The following CEP164 variants were observed in gnomAD, a reference collection of about 807,000 sequenced individuals.
CEP164 encodes centrosomal protein of 164 kDa.
CEP164 carries 162 observed loss-of-function variants against 182.7 expected under a neutral mutation model. The ratio of observed to expected loss-of-function variants is 0.89; its 90% CI spans 0.78 to 1.01. CEP164 has a LOEUF of 1.01. Among genes scored for constraint, CEP164 ranks in the 50% least tolerant of loss-of-function variants. CEP164 has a pLI of 0.00. For synonymous variants in CEP164, 661 were observed against 690.0 expected, an observed-to-expected ratio of 0.96 and a Z score of 0.66; for missense variants, 1,735 against 1,790.4, an observed-to-expected ratio of 0.97 and a Z score of 0.56.
At position 117,361,907 on chromosome 11, in the gene CEP164, A is replaced by G. The variant is rs2041025264; in HGVS notation, c.466A>G (p.Thr156Ala). The change falls in exon 6 of 33, where the codon ACC (threonine) becomes GCC (alanine). Residue 156 changes from threonine to alanine, a missense_variant. Transcript: ENST00000278935. ...GLAPLRGLVD[T>A]PPSALRGSQS... ...GGCTCCTTTACGAGGTCTTGTGGAT[A>G]CCCCACCCTCTGCTCTTCGTGGATC... 2 of 1,613,040 alleles carry G rather than the reference A, an allele frequency of 1.2e-6. No homozygotes were observed. Among genetic ancestry groups the G allele is most frequent in the South Asian group, 1.1e-5 (1 of 90,904 alleles).
rs757285380 is a variant in CEP164 at position 117,397,197 on chromosome 11, A to G, written c.3385A>G (p.Thr1129Ala). 4 of 1,614,250 alleles carry G rather than the reference A, an allele frequency of 2.5e-6. No individual in the cohort carries two copies. In the South Asian group the frequency reaches 3.3e-5, roughly 13 times the overall value. ...GACACGCTCCATGCGGAGGCGGCAG[A>G]CAGCTCTGAAAGCTGCCCAGCAGCA... ...QQTRSMRRRQ[T>A]ALKAAQQHWR... is the part of the protein sequence containing the mutation. Residue 1129 changes from threonine (T) to alanine (A), a missense_variant, in exon 27 of 33, where the codon ACA becomes GCA. Physicochemically the swap from Thr to Ala is moderately conservative, Grantham distance 58. Coordinates refer to ENST00000278935, the MANE Select transcript of CEP164 (RefSeq NM_014956.5).
intron 2 of CEP164, chr11:117,336,450 A>T: frequency 1.4e-6 from 2 of 1,419,296 alleles, no homozygotes; most frequent in Non-Finnish European, 2.0e-6. Context: ...GTGGTACAGG[A>T]TGAGGGGCCC....
At chr11:117,408,747 T>C (rs750008101) in intron 28 of CEP164, 143 bp from the exon 29 acceptor site, 13 of 1,054,130 alleles carry the variant, frequency 1.2e-5, no homozygotes, top group South Asian at 1.7e-5. Flanking sequence ...CCATATTTCA[T>C]GGATTTGCGT....
rs1175714052 is a variant in CEP164, at chr11:117,407,970, C to T, written c.3547C>T (p.His1183Tyr). The change falls in exon 28 of 33, where the codon CAC becomes TAC. Residue 1183 changes from histidine to tyrosine, a missense_variant. His to Tyr is a moderately conservative substitution (Grantham distance 83, BLOSUM62 2). Transcript: ENST00000278935. ...DEMKSAMRKG[H>Y]NLLKKKEEKL... ...GATGAAGTCGGCCATGCGGAAAGGC[C>T]ACAACCTGCTGAAGAAGAAAGAGGA... 1.2e-6 allele frequency: 2 copies of T among 1,602,766 alleles called. No individual in the cohort carries two copies. Among genetic ancestry groups the T allele is most frequent in the African/African-American group, 1.3e-5 (1 of 74,838 alleles).
intron 15 of CEP164, 125 bp downstream of exon 15, chr11:117,387,537 A>G: frequency 2.3e-6 from 2 of 860,044 alleles, no homozygotes; most frequent in Non-Finnish European, 3.6e-6. Context: ...TAAAGTTGGG[A>G]AACTTGACCC....
In CEP164 at chr11:117,394,969, A is replaced by C. The variant is rs1227532542; in HGVS notation, c.2810A>C (p.Asp937Ala). The C allele has an allele frequency of 1.9e-6, 3 of 1,614,188 alleles. No individual in the cohort carries two copies. The highest frequency in any genetic ancestry group is 1.1e-5 in the South Asian group (1 of 91,076). Residue 937 changes from aspartate (D) to alanine (A), a missense_variant, in exon 22 of 33, where the codon GAT becomes GCT. Coordinates refer to ENST00000278935, the MANE Select transcript of CEP164 (RefSeq NM_014956.5). The surrounding 1 kb of genome is among the most constrained non-coding windows in gnomAD (Gnocchi z 4.0). ...LELDLETRAK[D>A]VKARLALLEV... ...TTGGACCTTGAAACCAGAGCTAAAG[A>C]TGTCAAGGCCAGATTGGCTCTGCTG...
intron 8 of CEP164, among the ~76,000 whole-genome samples, chr11:117,370,206 G>A (rs2042062864): frequency 6.6e-6 from 1 of 151,624 alleles, no homozygotes; most frequent in East Asian, 1.9e-4. Context: ...TTCTCAGAGG[G>A]ACCCAAGTCG....
chr11:117,373,166 C>A (rs575070331), intron 9 of CEP164, among the ~76,000 whole-genome samples: 7 of 152,112 alleles, frequency 4.6e-5, no homozygotes, highest in African/African-American at 1.7e-4. Flanking sequence ...GTCAGGAGTT[C>A]GAGATCACTG....
intron 4 of CEP164, among the ~76,000 whole-genome samples, chr11:117,347,971 T>A (rs1228500534): frequency 6.6e-6 from 1 of 152,068 alleles, no homozygotes; most frequent in Non-Finnish European, 1.5e-5. Flanking sequence ...GTTGTTGTTG[T>A]TGTTGTTGTT....
chr11:117,387,550 C>A, intron 15 of CEP164, 138 bp downstream of exon 15: 1 of 755,108 alleles, frequency 1.3e-6, no homozygotes, highest in Non-Finnish European at 2.2e-6. Context: ...CTTGACCCAA[C>A]AATTTCTGCT....
In CEP164 at chr11:117,395,131, C is replaced by T. The variant is rs140641176; in HGVS notation, c.2853C>T (p.Thr951=). The change falls in exon 23 of 33, where the codon ACC becomes ACT. Residue 951 remains threonine (T), a synonymous_variant. Coordinates refer to ENST00000278935, the MANE Select transcript of CEP164 (RefSeq NM_014956.5). Reference sequence around the variant, plus strand: ...TGTCTCTTCCCTGCAAGGAGGAGACCGCCCGGAGGGAGAAGCAGCAGCTGC... The same window carrying T: ...TGTCTCTTCCCTGCAAGGAGGAGACTGCCCGGAGGGAGAAGCAGCAGCTGC... ...RLALLEVQEE[T]ARREKQQLLD... is the part of the protein sequence containing the mutation. 9.3e-5 allele frequency: 150 copies of T among 1,614,048 alleles called. No homozygotes were observed. The highest frequency in any genetic ancestry group is 1.2e-4 in the Non-Finnish European group (137 of 1,180,052).
intron 3 of CEP164, among the ~76,000 whole-genome samples, chr11:117,342,015 G>A (rs2038199730): frequency 1.3e-5 from 2 of 152,020 alleles, no homozygotes; most frequent in Non-Finnish European, 2.9e-5. Context: ...CTAGAGGAAT[G>A]CTCTTCCACC....
At chr11:117,365,321 G>A (rs554070570) in intron 8 of CEP164, among the ~76,000 whole-genome samples, 116 of 152,226 alleles carry the variant, frequency 7.6e-4, no homozygotes, top group Non-Finnish European at 1.4e-3. Flanking sequence ...GAGTGAACTT[G>A]TGAATGAGTG....
rs777528550 is a variant in CEP164 at position 117,371,361 on chromosome 11, G to A, written c.1047G>A (p.Glu349=). ...PAKASEKEAP[E]DTVDAGEEGS... is the part of the protein sequence containing the mutation. ...AAGCCTCTGAAAAGGAAGCACCAGA[G>A]GACACAGTAGATGCAGGAGAGGAGG... Residue 349 remains glutamate (E), a synonymous_variant, in exon 9 of 33, where the codon GAG becomes GAA. Transcript: ENST00000278935. The A allele has an allele frequency of 1.9e-6, 3 of 1,614,216 alleles. No homozygotes were observed. Among genetic ancestry groups the A allele is most frequent in the South Asian group, 2.2e-5 (2 of 91,086 alleles).
At chr11:117,387,486 C>T (rs936795130) in intron 15 of CEP164, 74 bp downstream of exon 15, 21 of 1,398,616 alleles carry the variant, frequency 1.5e-5, no homozygotes, top group Non-Finnish European at 2.1e-5. Context: ...CCCTCTTAGC[C>T]TGGGGACCAC....
Position 117,409,020 on chromosome 11 carries a change from A to C in CEP164, c.3740A>C (p.Gln1247Pro). 6.2e-7 allele frequency: 1 copy of C among 1,614,044 alleles called. No individual in the cohort carries two copies. The highest frequency in any genetic ancestry group is 1.7e-4 in the Middle Eastern group (1 of 6,060). Residue 1247 changes from glutamine (Q) to proline (P), a missense_variant, in exon 29 of 33, where the codon CAG becomes CCG. By Grantham distance (76) the Gln-to-Pro change is moderately conservative. Coordinates refer to ENST00000278935, the MANE Select transcript of CEP164 (RefSeq NM_014956.5). This position sits in a 1 kb window ranked among gnomAD's most constrained non-coding sequence, Gnocchi z 4.4. Reference protein sequence around the residue: ...FSPPHREWWRQQRIDSTPSLT... With the variant: ...FSPPHREWWRPQRIDSTPSLT... The stretch of plus-strand genomic sequence containing the variant: ...CCGCCTCACCGTGAGTGGTGGCGGC[A>C]GCAGAGGAGTGAGTGGGGGAGATGC...
Position 117,396,622 on chromosome 11 carries a change from A to G in CEP164, c.3278+11A>G, listed in dbSNP as rs761420267. 1.1e-4 allele frequency: 175 copies of G among 1,604,234 alleles called. No homozygotes were observed. Among genetic ancestry groups the G allele is most frequent in the Non-Finnish European group, 1.4e-4 (160 of 1,171,118 alleles). ...CTTATACTTGGACAGGTGAGTTCCC[A>G]TAGCCTGTCTTATTTGAGGTTAGGG... On this transcript the variant is annotated intron_variant, in intron 26 of 32. Coordinates refer to ENST00000278935, the MANE Select transcript of CEP164 (RefSeq NM_014956.5).
In CEP164 at chr11:117,381,697, C is replaced by A; in HGVS notation, c.1410-4C>A. 6.2e-7 allele frequency: 1 copy of A among 1,607,016 alleles called. No homozygotes were observed. Among genetic ancestry groups the A allele is most frequent in the Non-Finnish European group, 8.5e-7 (1 of 1,177,002 alleles). On this transcript the variant is annotated splice_region_variant and splice_polypyrimidine_tract_variant and intron_variant, in intron 12 of 32. Transcript: ENST00000278935. ...GACTCTGCTGCTCTGCCCGGCCTGA[C>A]CAGGTTATCTCCTCCACTTCCACAC...
chr11:117,400,191 G>T (rs2045971506), intron 27 of CEP164, among the ~76,000 whole-genome samples: 1 of 152,146 alleles, frequency 6.6e-6, no homozygotes, highest in Non-Finnish European at 1.5e-5. Flanking sequence ...TCCAGTTTCA[G>T]TTTTCTGCAT....
Sources: allele counts gnomAD v4.1 joint callset (sites outside exome capture counted in the v4.1 genomes callset), GRCh38; gene constraint gnomAD v4.1.1; non-coding constraint Gnocchi (gnomAD v3.1); transcripts MANE v1.5; gene names NCBI Gene and HGNC (gene_info 2026-07-23, HGNC 2026-07-21).